TMC2: variants seen among roughly 807,000 people sequenced by gnomAD.
The protein encoded by TMC2 is transmembrane channel like 2.
TMC2 carries 102 observed loss-of-function variants against 105.9 expected under a neutral mutation model. That is an observed-to-expected ratio of 0.96 (90% CI 0.82 to 1.14). The LOEUF (loss-of-function observed/expected upper bound fraction) is 1.14. Ranked by LOEUF, TMC2 falls within the 50% of genes most tolerant of loss-of-function variation. The pLI is 0.00. For missense variants in TMC2, 1,093 were observed against 1,134.3 expected, an observed-to-expected ratio of 0.96 and a Z score of 0.52; for synonymous variants, 402 against 422.8, an observed-to-expected ratio of 0.95 and a Z score of 0.60.
intron 2 of TMC2, among the ~76,000 whole-genome samples, chr20:2,546,793 C>T (rs775903151): frequency 6.6e-6 from 1 of 152,088 alleles, no homozygotes; most frequent in Non-Finnish European, 1.5e-5. Context: ...GTGACACAGA[C>T]TTAAACTGGT....
chr20:2,606,331 C>A (rs1568521970), intron 11 of TMC2, among the ~76,000 whole-genome samples: 1 of 152,182 alleles, frequency 6.6e-6, no homozygotes, highest in African/African-American at 2.4e-5. Context: ...ACGATCTTGG[C>A]TCACTGCAAC....
chr20:2,594,086 T>G (rs2086286926), intron 8 of TMC2, among the ~76,000 whole-genome samples: 1 of 152,280 alleles, frequency 6.6e-6, no homozygotes, highest in Middle Eastern at 3.4e-3. Flanking sequence ...AAGGGCTTCC[T>G]AAGGCTGGGA....
chr20:2,634,743 T>C (rs1238157200), intron 17 of TMC2, among the ~76,000 whole-genome samples: 1 of 152,192 alleles, frequency 6.6e-6, no homozygotes. Context: ...AATGGGCTAA[T>C]TAGGTAAATG....
chr20:2,612,051 A>G lies in TMC2; in HGVS notation c.1594-140A>G, dbSNP rs919114818. The G allele has an allele frequency of 2.7e-5, 21 of 764,480 alleles. No homozygotes were observed. The African/African-American group carries it at 3.2e-4, about 11-fold the overall frequency. The allele number at this position is 764,480 out of a possible 1,614,324, so 47.4% of individuals were successfully genotyped here. ...GTACATATTGAAAGCCTGAGAAGGG[A>G]ATTTTGGAAGGACTCTGTCCAGGGG... is the stretch of plus-strand genomic sequence containing the variant. On this transcript the variant is annotated intron_variant, in intron 12 of 19. Coordinates refer to ENST00000358864, the MANE Select transcript of TMC2 (RefSeq NM_080751.3).
chr20:2,564,096 G>A (rs2086046451), intron 4 of TMC2, among the ~76,000 whole-genome samples: 2 of 151,028 alleles, frequency 1.3e-5, no homozygotes, highest in South Asian at 4.2e-4. Flanking sequence ...GTGGTGAGTG[G>A]CGACAGTGTG....
chr20:2,628,268 T>C (rs2086578195), intron 17 of TMC2, among the ~76,000 whole-genome samples: 1 of 152,178 alleles, frequency 6.6e-6, no homozygotes. Context: ...TTTATGTCTC[T>C]CAATATTTTT....
In TMC2 at chr20:2,597,094, T is replaced by TG. The variant is rs996029220; in HGVS notation, c.1077-52dup. The TG allele has an allele frequency of 7.8e-5, 123 of 1,577,010 alleles. No homozygotes were observed. The African/African-American group carries it at 1.6e-3, about 20-fold the overall frequency. ...CGAGACTGGCTAGGCCAAGGTTCCCTGGGGGTGACACAGCAGAAAGAGGGC... is the reference window on the plus strand; with the variant it reads ...CGAGACTGGCTAGGCCAAGGTTCCCTGGGGGGTGACACAGCAGAAAGAGGGC... On this transcript the variant is annotated intron_variant, in intron 9 of 19. Coordinates refer to ENST00000358864, the MANE Select transcript of TMC2 (RefSeq NM_080751.3).
intron 7 of TMC2, among the ~76,000 whole-genome samples, chr20:2,591,978 A>T (rs2086272368): frequency 6.6e-6 from 1 of 152,056 alleles, no homozygotes; most frequent in African/African-American, 2.4e-5. Context: ...ACATGGTGAA[A>T]TCCTGTCTCT....
chr20:2,641,048 C>G (rs958640511), intron 19 of TMC2, 86 bp from the exon 20 acceptor site: 5 of 1,175,998 alleles, frequency 4.3e-6, no homozygotes, highest in Non-Finnish European at 6.3e-6. Flanking sequence ...AAAACCTACA[C>G]ACACCGCAGG....
intron 4 of TMC2, among the ~76,000 whole-genome samples, chr20:2,566,612 A>G (rs1166001158): frequency 6.6e-6 from 1 of 152,198 alleles, no homozygotes; most frequent in African/African-American, 2.4e-5. Flanking sequence ...AGGTAGATGG[A>G]GTAGAGACGC....
At chr20:2,633,623 TAAATC>T (rs2086620075) in intron 17 of TMC2, among the ~76,000 whole-genome samples, 1 of 152,210 alleles carries the variant, frequency 6.6e-6, no homozygotes, top group Non-Finnish European at 1.5e-5. Flanking sequence ...AACCACTGGA[TAAATC>T]AAATAATGAC....
rs1470954969 is a variant in TMC2, at chr20:2,633,366, C to T, written c.2307-2560C>T. Among the ~76,000 whole-genome samples, 5 of 152,318 alleles carry T rather than the reference C, an allele frequency of 3.3e-5. No homozygotes were observed. The East Asian group carries it at 7.7e-4, about 24-fold the overall frequency. ...GGCACAGAGCCTTACACATCATGCACACAGTTCTCTATAGATTCCCAGGAA... is the reference window on the plus strand; with the variant it reads ...GGCACAGAGCCTTACACATCATGCATACAGTTCTCTATAGATTCCCAGGAA... On this transcript the variant is annotated intron_variant, in intron 17 of 19. Transcript: ENST00000358864.
intron 9 of TMC2, 136 bp downstream of exon 9, chr20:2,595,103 T>G (rs1305228130): frequency 9.9e-7 from 1 of 1,008,310 alleles, no homozygotes; most frequent in Non-Finnish European, 1.5e-6. Flanking sequence ...CATATGCACA[T>G]TATAATTTGT....
intron 5 of TMC2, 53 bp from the exon 6 acceptor site, chr20:2,579,093 G>T: frequency 9.6e-7 from 1 of 1,038,712 alleles, no homozygotes; most frequent in East Asian, 2.4e-5. Flanking sequence ...ATGCCCCTTT[G>T]TGCTCCAGGT....
intron 4 of TMC2, among the ~76,000 whole-genome samples, chr20:2,570,162 G>A (rs1325849850): frequency 6.6e-6 from 1 of 152,000 alleles, no homozygotes; most frequent in East Asian, 1.9e-4. Flanking sequence ...AAAAATGAAA[G>A]GCAGGAAAGA....
At chr20:2,602,427 C>A in intron 11 of TMC2, 126 bp downstream of exon 11, 2 of 668,210 alleles carry the variant, frequency 3.0e-6, no homozygotes, top group South Asian at 3.2e-5. Context: ...GAAATTACAT[C>A]CCCTTCCAGT....
Position 2,616,367 on chromosome 20 carries a change from G to T in TMC2, c.1940+163G>T, listed in dbSNP as rs1289873377. 6.6e-6 allele frequency among the ~76,000 whole-genome samples: 1 copy of T among 152,084 alleles called. No homozygotes were observed. Among genetic ancestry groups the T allele is most frequent in the Non-Finnish European group, 1.5e-5 (1 of 68,032 alleles). On this transcript the variant is annotated intron_variant, in intron 15 of 19. Coordinates refer to ENST00000358864, the MANE Select transcript of TMC2 (RefSeq NM_080751.3). The surrounding 1 kb of genome is among the most constrained non-coding windows in gnomAD (Gnocchi z 4.8). ...AATCAAGAGCGGGACTAGATGAGAA[G>T]CAGGACAGTTTCTGGCCCACCCATG...
chr20:2,574,396 A>C (rs16987128), intron 5 of TMC2, among the ~76,000 whole-genome samples: 18 of 152,140 alleles, frequency 1.2e-4, no homozygotes, highest in Admixed American at 1.3e-4. Flanking sequence ...CTGCACTTGC[A>C]TTATAATTGT....
intron 2 of TMC2, among the ~76,000 whole-genome samples, chr20:2,540,517 C>T (rs2085882702): frequency 6.6e-6 from 1 of 151,734 alleles, no homozygotes; most frequent in Non-Finnish European, 1.5e-5. Context: ...AAAAATTAGC[C>T]AGGCTTGGTG....
Sources: gnomAD v4.1 joint callset for allele counts (sites outside exome capture counted in the v4.1 genomes callset) on GRCh38, gnomAD v4.1.1 for gene constraint, Gnocchi (gnomAD v3.1) non-coding constraint, MANE v1.5 for transcripts, NCBI Gene and HGNC (gene_info 2026-07-23, HGNC 2026-07-21) for gene names.